XYLT2: variants seen among roughly 807,000 people sequenced by gnomAD.
The protein encoded by XYLT2 is UDP-D-xylose:proteoglycan core protein beta-D-xylosyltransferase.
Under a neutral mutation model 82.6 loss-of-function variants are expected in XYLT2, and 37 were observed. The ratio of observed to expected loss-of-function variants is 0.45; its 90% CI spans 0.34 to 0.59. XYLT2 has a LOEUF of 0.59. Ranked by LOEUF, XYLT2 falls within the 20% of genes least tolerant of loss-of-function variation. XYLT2 has a pLI of 0.01. For synonymous variants in XYLT2, 474 were observed against 499.0 expected, an observed-to-expected ratio of 0.95 and a Z score of 0.67; for missense variants, 934 against 1,181.3, an observed-to-expected ratio of 0.79 and a Z score of 3.07.
chr17:50,353,485 C>T (rs924806175), intron 1 of XYLT2, 145 bp from the exon 2 acceptor site: 48 of 1,291,114 alleles, frequency 3.7e-5, no homozygotes, highest in Admixed American at 3.0e-4. Flanking sequence ...ACTGATTGTG[C>T]GGAGTCCTTA....
rs1204449602 is a variant in XYLT2 at position 50,356,600 on chromosome 17, C to A, written c.1572C>A (p.Gly524=). ...VLEILDFHLY[G]SYPPGTPALK... Reference sequence around the variant, plus strand: ...AAATCCTGGACTTCCACCTGTATGGCAGCTACCCCCCCGGCACGCCAGCCC... The same window carrying A: ...AAATCCTGGACTTCCACCTGTATGGAAGCTACCCCCCCGGCACGCCAGCCC... Residue 524 remains glycine (G), a synonymous_variant, in exon 8 of 11, where the codon GGC becomes GGA. Transcript: ENST00000017003. The A allele has an allele frequency of 6.2e-7, 1 of 1,614,134 alleles. No individual in the cohort carries two copies. The highest frequency in any genetic ancestry group is 8.5e-7 in the Non-Finnish European group (1 of 1,180,002).
chr17:50,354,333 C>CA, intron 2 of XYLT2, 75 bp from the exon 3 acceptor site: 1 of 1,520,518 alleles, frequency 6.6e-7, no homozygotes, highest in Non-Finnish European at 8.8e-7. Flanking sequence ...GGAAGGCAGG[C>CA]AGCTCCCTCT....
intron 1 of XYLT2, among the ~76,000 whole-genome samples, chr17:50,347,607 G>C (rs1173063306): frequency 6.6e-6 from 1 of 152,232 alleles, no homozygotes; most frequent in Non-Finnish European, 1.5e-5. Flanking sequence ...TGCCAAAGCA[G>C]TTAGGGAGCC....
At chr17:50,350,481 C>T (rs549465188) in intron 1 of XYLT2, among the ~76,000 whole-genome samples, 1 of 117,652 alleles carries the variant, frequency 8.5e-6, no homozygotes, top group Admixed American at 7.8e-5. Flanking sequence ...GCACAAGAAT[C>T]GCTTGAACCC....
At chr17:50,354,190 C>A in intron 2 of XYLT2, 68 bp downstream of exon 2, 1 of 1,589,782 alleles carries the variant, frequency 6.3e-7, no homozygotes, top group South Asian at 1.1e-5. Flanking sequence ...CGGATCCTCA[C>A]CCCTATCTCT....
At position 50,355,592 on chromosome 17, in the gene XYLT2, G is replaced by A. The variant is rs779219337; in HGVS notation, c.1088+11G>A. 13 of 1,613,856 alleles carry A rather than the reference G, an allele frequency of 8.1e-6. No individual in the cohort carries two copies. Among genetic ancestry groups the A allele is most frequent in the South Asian group, 1.1e-5 (1 of 91,066 alleles). On this transcript the variant is annotated intron_variant, in intron 5 of 10. Coordinates refer to ENST00000017003, the MANE Select transcript of XYLT2 (RefSeq NM_022167.4). ...CCGGGACAACTCCAGGTGAGGGGGT[G>A]GGGAAGGAGGCCCTGGCCCCAGAGT...
rs750349082 is a variant in XYLT2, at chr17:50,356,651, C to T, written c.1623C>T (p.Tyr541=). The change falls in exon 8 of 11, where the codon TAC becomes TAT. Residue 541 remains tyrosine, a synonymous_variant. Transcript: ENST00000017003. ...TCAAGGCCTACTGGGAGAACACCTA[C>T]GACGCGGCTGATGGCCCCAGTGGGC... is the stretch of plus-strand genomic sequence containing the variant. ...PALKAYWENT[Y]DAADGPSGLS... is the part of the protein sequence containing the mutation. The T allele has an allele frequency of 9.3e-6, 15 of 1,614,074 alleles. No homozygotes were observed. Among genetic ancestry groups the T allele is most frequent in the Admixed American group, 6.7e-5 (4 of 60,024 alleles).
Position 50,360,300 on chromosome 17 carries a change from C to G in XYLT2, c.*9C>G. 6.3e-7 allele frequency: 1 copy of G among 1,575,840 alleles called. No individual in the cohort carries two copies. The highest frequency in any genetic ancestry group is 2.3e-5 in the East Asian group (1 of 44,122). ...ACGGGCGACTCAGGTAGCAGGGCCCCAGCCAGTACCCGTGGAGGACCCGGG... is the reference window on the plus strand; with the variant it reads ...ACGGGCGACTCAGGTAGCAGGGCCCGAGCCAGTACCCGTGGAGGACCCGGG... On this transcript the variant is annotated 3_prime_UTR_variant, in exon 11 of 11. Transcript: ENST00000017003.
chr17:50,357,436 G>A (rs1912594070), intron 9 of XYLT2, 184 bp downstream of exon 9: 2 of 591,802 alleles, frequency 3.4e-6, no homozygotes, highest in Non-Finnish European at 2.9e-6. Context: ...GCACCTCCTG[G>A]TTGGGGTATG....
chr17:50,360,021 G>T lies in XYLT2; in HGVS notation c.2328G>T (p.Gln776His). 6.2e-7 allele frequency: 1 copy of T among 1,613,646 alleles called. No homozygotes were observed. ...AGPPHNEYME[Q>H]SFQGLSSILN... ...CACCCCACAACGAGTACATGGAGCA[G>T]AGTTTCCAGGGCCTGAGTAGCATCC... The change falls in exon 11 of 11, where the codon CAG becomes CAT. Residue 776 changes from glutamine (Q) to histidine (H), a missense_variant. Gln to His is a conservative substitution (Grantham distance 24). Around this residue, in one of 3 missense-constraint regions of XYLT2, gnomAD observed 374 missense variants for 465.6 expected, o/e 0.80. Transcript: ENST00000017003.
chr17:50,361,035 G>A lies in XYLT2; in HGVS notation c.*744G>A. The A allele has an allele frequency of 2.0e-6, 2 of 985,960 alleles. No homozygotes were observed. Among genetic ancestry groups the A allele is most frequent in the Non-Finnish European group, 2.4e-6 (2 of 829,964 alleles). The allele number at this position is 985,960 out of a possible 1,614,324, so 61.1% of individuals were successfully genotyped here. ...GTGTGCACTGGAAGTGAGGTCACAT[G>A]AGCAGCGTGGGAAGAAGACTCTGTC... On this transcript the variant is annotated 3_prime_UTR_variant, in exon 11 of 11. Coordinates refer to ENST00000017003, the MANE Select transcript of XYLT2 (RefSeq NM_022167.4).
chr17:50,349,344 C>T (rs929904578), intron 1 of XYLT2, among the ~76,000 whole-genome samples: 21 of 152,160 alleles, frequency 1.4e-4, no homozygotes, highest in African/African-American at 5.1e-4. Flanking sequence ...ATTCCCCAGC[C>T]TGTGGTGCCC....
intron 9 of XYLT2, chr17:50,357,544 C>A (rs1034475274): frequency 1.5e-5 from 5 of 333,432 alleles, no homozygotes; most frequent in African/African-American, 6.5e-5. Flanking sequence ...GGGGCAGGGA[C>A]ATTCGAGTTG....
At chr17:50,349,612 G>A (rs1912171468) in intron 1 of XYLT2, among the ~76,000 whole-genome samples, 1 of 152,180 alleles carries the variant, frequency 6.6e-6, no homozygotes, top group East Asian at 1.9e-4. Flanking sequence ...AAGATCAGAA[G>A]GCTGGCTGGG....
intron 1 of XYLT2, among the ~76,000 whole-genome samples, chr17:50,352,910 G>A (rs940597860): frequency 1.3e-5 from 2 of 152,136 alleles, no homozygotes; most frequent in Non-Finnish European, 2.9e-5. Flanking sequence ...GGACTTCCTC[G>A]AGGCTGTGCT....
chr17:50,347,052 C>T, intron 1 of XYLT2: 1 of 488,716 alleles, frequency 2.0e-6, no homozygotes, highest in South Asian at 8.8e-5. Context: ...TCTCAGCCCC[C>T]AAGTCCCTGC....
In XYLT2 at chr17:50,358,400, C is replaced by T. The variant is rs777143127; in HGVS notation, c.2135C>T (p.Thr712Met). ...DITVDTETEV[T>M]QYKPPLSRPL... is the part of the protein sequence containing the mutation. ...ACAGTAGATACGGAGACTGAGGTCA[C>T]GCAATACAAGCCCCCACTGAGCCGG... The change falls in exon 10 of 11, where the codon ACG becomes ATG. Residue 712 changes from threonine (T) to methionine (M), a missense_variant. Physicochemically the swap from Thr to Met is moderately conservative, Grantham distance 81. Coordinates refer to ENST00000017003, the MANE Select transcript of XYLT2 (RefSeq NM_022167.4). 31 of 1,614,018 alleles carry T rather than the reference C, an allele frequency of 1.9e-5. No individual in the cohort carries two copies. In the East Asian group the frequency reaches 3.3e-4, roughly 17 times the overall value.
intron 1 of XYLT2, among the ~76,000 whole-genome samples, chr17:50,347,655 C>T (rs1199457573): frequency 6.6e-6 from 1 of 152,240 alleles, no homozygotes; most frequent in Non-Finnish European, 1.5e-5. Context: ...TGGGCTACCG[C>T]CCCCATCCCC....
In XYLT2 at chr17:50,358,395, G is replaced by A; in HGVS notation, c.2130G>A (p.Glu710=). 1 of 1,614,162 alleles carries A rather than the reference G, an allele frequency of 6.2e-7. No individual in the cohort carries two copies. Among genetic ancestry groups the A allele is most frequent in the Non-Finnish European group, 8.5e-7 (1 of 1,180,050 alleles). Residue 710 remains glutamate, a synonymous_variant, in exon 10 of 11, where the codon GAG becomes GAA. Transcript: ENST00000017003. ...ACATCACAGTAGATACGGAGACTGA[G>A]GTCACGCAATACAAGCCCCCACTGA... ...SYDITVDTET[E]VTQYKPPLSR... is the part of the protein sequence containing the mutation.
Sources: allele counts gnomAD v4.1 joint callset (sites outside exome capture counted in the v4.1 genomes callset), GRCh38; gene constraint gnomAD v4.1.1; regional missense constraint gnomAD v4.1.1; transcripts MANE v1.5; gene names NCBI Gene and HGNC (gene_info 2026-07-23, HGNC 2026-07-21).